Variants in PTPRZ1 observed in about 807,000 individuals in gnomAD.
The protein encoded by PTPRZ1 is protein tyrosine phosphatase receptor type Z1, also known as receptor-type tyrosine-protein phosphatase zeta.
PTPRZ1 carries 82 observed loss-of-function variants against 214.1 expected under a neutral mutation model. The ratio of observed to expected loss-of-function variants is 0.38; its 90% CI spans 0.32 to 0.46. PTPRZ1 has a LOEUF of 0.46. Among genes scored for constraint, PTPRZ1 ranks in the 20% least tolerant of loss-of-function variants. The probability of loss-of-function intolerance (pLI) is 1.00; values close to 1 mark genes in which losing one functional copy is unlikely to be tolerated. For synonymous variants in PTPRZ1, 945 were observed against 987.9 expected (o/e 0.96, Z 0.81); for missense variants, 2,603 against 2,748.7 (o/e 0.95, Z 1.19).
At chr7:122,035,367 A>G (rs1799504881) in intron 17 of PTPRZ1, among the ~76,000 whole-genome samples, 1 of 152,170 alleles carries the variant, frequency 6.6e-6, no homozygotes, top group Admixed American at 6.5e-5. Flanking sequence ...TATCCTGGCT[A>G]CACATAAAAC....
chr7:122,026,599 C>T (rs929559156), intron 13 of PTPRZ1, among the ~76,000 whole-genome samples: 1 of 152,158 alleles, frequency 6.6e-6, no homozygotes, highest in African/African-American at 2.4e-5. Context: ...CCATACTCTC[C>T]ATTTTCCAGG....
At position 122,010,958 on chromosome 7, in the gene PTPRZ1, G is replaced by T; in HGVS notation, c.1912G>T (p.Gly638Cys). ...TGCTTCCGAAGATTCAACTTCATCA[G>T]GTTCAGAAGAATCACTAAAGGATCC... ...RNASEDSTSSGSEESLKDPSM... is the reference protein window; with the variant it reads ...RNASEDSTSSCSEESLKDPSM... The change falls in exon 12 of 30, where the codon GGT becomes TGT. Residue 638 changes from glycine (G) to cysteine (C), a missense_variant. By Grantham distance (159) the Gly-to-Cys change is radical. Coordinates refer to ENST00000393386, the MANE Select transcript of PTPRZ1 (RefSeq NM_002851.3). 6.2e-7 allele frequency: 1 copy of T among 1,614,150 alleles called. No individual in the cohort carries two copies. Among genetic ancestry groups the T allele is most frequent in the Non-Finnish European group, 8.5e-7 (1 of 1,180,020 alleles).
chr7:121,905,290 A>G (rs1158964403), intron 1 of PTPRZ1, among the ~76,000 whole-genome samples: 2 of 152,120 alleles, frequency 1.3e-5, no homozygotes, highest in Non-Finnish European at 2.9e-5. Context: ...TCTTACTAAA[A>G]GAACAGATCC....
chr7:121,970,579 T>A (rs1797207628), intron 3 of PTPRZ1, among the ~76,000 whole-genome samples: 1 of 152,246 alleles, frequency 6.6e-6, no homozygotes. Flanking sequence ...TTCATGTGTC[T>A]GTTGGCTGCA....
chr7:121,996,042 A>G (rs529968260), intron 8 of PTPRZ1, among the ~76,000 whole-genome samples: 1 of 152,316 alleles, frequency 6.6e-6, no homozygotes, highest in Non-Finnish European at 1.5e-5. Flanking sequence ...GAAAAATACA[A>G]TACGAAAGTA....
intron 14 of PTPRZ1, among the ~76,000 whole-genome samples, chr7:122,028,980 C>A (rs1447903523): frequency 1.3e-5 from 2 of 151,610 alleles, no homozygotes; most frequent in Admixed American, 1.3e-4. Context: ...TTAATGGAAA[C>A]CCAAGCAACA....
At chr7:121,968,492 T>A (rs1473337378) in intron 3 of PTPRZ1, among the ~76,000 whole-genome samples, 1 of 152,166 alleles carries the variant, frequency 6.6e-6, no homozygotes, top group Non-Finnish European at 1.5e-5. Flanking sequence ...CCTCATGTTA[T>A]AGTCAGTATT....
In PTPRZ1 at chr7:122,054,161, T is replaced by C. The variant is rs967619553; in HGVS notation, c.6381+123T>C. 4.7e-6 allele frequency: 5 copies of C among 1,068,258 alleles called. No homozygotes were observed. The African/African-American group carries it at 7.9e-5, about 17-fold the overall frequency. 66.2% of individuals were successfully genotyped at this position (1,068,258 alleles called of 1,614,324 possible). On this transcript the variant is annotated intron_variant, in intron 26 of 29. Transcript: ENST00000393386. The stretch of plus-strand genomic sequence containing the variant: ...TTTTCAACTAATAAACTAATGTCAT[T>C]GAAGGCATACTCTTCTGCTGTTGGG...
intron 2 of PTPRZ1, among the ~76,000 whole-genome samples, chr7:121,961,559 A>G (rs535695465): frequency 6.6e-6 from 1 of 152,328 alleles, no homozygotes; most frequent in South Asian, 2.1e-4. Flanking sequence ...CTGGAATGTA[A>G]TAATAAACAC....
At chr7:121,935,350 A>G (rs539814724) in intron 2 of PTPRZ1, among the ~76,000 whole-genome samples, 6 of 152,202 alleles carry the variant, frequency 3.9e-5, no homozygotes, top group East Asian at 1.9e-4. Context: ...AGAAGCTTCA[A>G]TGGGATGGGC....
At chr7:121,963,383 C>G (rs1435916218) in intron 2 of PTPRZ1, among the ~76,000 whole-genome samples, 4 of 152,142 alleles carry the variant, frequency 2.6e-5, no homozygotes, top group Admixed American at 1.3e-4. Context: ...CAAACCATAT[C>G]AGACACCTAC....
intron 2 of PTPRZ1, among the ~76,000 whole-genome samples, chr7:121,951,716 C>T (rs888759745): frequency 3.3e-5 from 5 of 152,198 alleles, no homozygotes; most frequent in Non-Finnish European, 7.3e-5. Flanking sequence ...GTCCTAAGCC[C>T]TCCTTAGAAT....
intron 1 of PTPRZ1, among the ~76,000 whole-genome samples, chr7:121,923,451 C>T (rs1310403031): frequency 6.6e-6 from 1 of 152,036 alleles, no homozygotes; most frequent in Non-Finnish European, 1.5e-5. Flanking sequence ...TTCTTAGGAG[C>T]ACTGTATTTC....
chr7:122,047,140 G>A (rs894869876), intron 23 of PTPRZ1, among the ~76,000 whole-genome samples: 1 of 152,254 alleles, frequency 6.6e-6, no homozygotes, highest in South Asian at 2.1e-4. Flanking sequence ...GAATGGAGGA[G>A]GCCGTTGGAT....
At chr7:121,895,999 A>G (rs1794773164) in intron 1 of PTPRZ1, among the ~76,000 whole-genome samples, 1 of 152,108 alleles carries the variant, frequency 6.6e-6, no homozygotes, top group Admixed American at 6.6e-5. Flanking sequence ...TATTTTCCCA[A>G]TCAAATATCC....
At chr7:121,894,476 G>A (rs1794727403) in intron 1 of PTPRZ1, among the ~76,000 whole-genome samples, 1 of 152,038 alleles carries the variant, frequency 6.6e-6, no homozygotes, top group Admixed American at 6.6e-5. Flanking sequence ...CATAATCTTG[G>A]CTCACCACAA....
intron 1 of PTPRZ1, among the ~76,000 whole-genome samples, chr7:121,895,722 C>T (rs547967481): frequency 2.8e-4 from 42 of 152,250 alleles, no homozygotes; most frequent in Non-Finnish European, 3.8e-4. Context: ...ATATAAAAGG[C>T]GTTGGCAGCC....
intron 1 of PTPRZ1, among the ~76,000 whole-genome samples, chr7:121,907,193 CTG>C (rs1376885014): frequency 1.3e-5 from 2 of 151,960 alleles, no homozygotes; most frequent in East Asian, 1.9e-4. Context: ...AATTGAATAA[CTG>C]GAGTAATATT....
chr7:122,026,984 C>A (rs1291944994), intron 13 of PTPRZ1, among the ~76,000 whole-genome samples: 1 of 152,114 alleles, frequency 6.6e-6, no homozygotes, highest in Non-Finnish European at 1.5e-5. Flanking sequence ...CCTTGTGGGG[C>A]TTATATTCTG....
Sources: gnomAD v4.1 joint callset for allele counts (sites outside exome capture counted in the v4.1 genomes callset) on GRCh38, gnomAD v4.1.1 for gene constraint, MANE v1.5 for transcripts, NCBI Gene and HGNC (gene_info 2026-07-23, HGNC 2026-07-21) for gene names.